GULP1: variants seen among roughly 807,000 people sequenced by gnomAD.
GULP1 encodes the protein PTB domain-containing engulfment adapter protein 1.
In GULP1, 19 loss-of-function variants were observed where a neutral mutation model predicts 40.9. The observed-to-expected ratio is 0.46, with a 90% CI of 0.32 to 0.68. The LOEUF (loss-of-function observed/expected upper bound fraction) is 0.68. Ranked by LOEUF, GULP1 falls within the 30% of genes least tolerant of loss-of-function variation. GULP1 has a pLI of 0.03. For missense variants in GULP1, 312 were observed against 362.2 expected (o/e 0.86, Z 1.12); for synonymous variants, 119 against 117.6 (o/e 1.01, Z -0.08).
intron 2 of GULP1, among the ~76,000 whole-genome samples, chr2:188,443,363 G>A (rs2058099927): frequency 6.6e-6 from 1 of 152,196 alleles, no homozygotes; most frequent in Admixed American, 6.5e-5. Flanking sequence ...GATTCGTGAA[G>A]CCCTCTGAAT....
At chr2:188,417,864 C>T (rs2054792754) in intron 2 of GULP1, among the ~76,000 whole-genome samples, 1 of 152,174 alleles carries the variant, frequency 6.6e-6, no homozygotes, top group South Asian at 2.1e-4. Context: ...GATCATAGCT[C>T]ACTGCAGCCT....
intron 4 of GULP1, among the ~76,000 whole-genome samples, chr2:188,517,306 C>A (rs1179002321): frequency 1.3e-5 from 2 of 151,956 alleles, no homozygotes; most frequent in Non-Finnish European, 2.9e-5. Context: ...TTTTTTCTAA[C>A]TTTATTTTTT....
At chr2:188,489,905 T>A (rs1160165759) in intron 4 of GULP1, among the ~76,000 whole-genome samples, 1 of 152,068 alleles carries the variant, frequency 6.6e-6, no homozygotes, top group South Asian at 2.1e-4. Flanking sequence ...GAAAAGGAAA[T>A]GGCAATAAAT....
chr2:188,450,770 G>A (rs1197185432), intron 2 of GULP1, among the ~76,000 whole-genome samples: 1 of 152,058 alleles, frequency 6.6e-6, no homozygotes, highest in South Asian at 2.1e-4. Context: ...CTTTCCAAAA[G>A]AATTGCTCTT....
intron 1 of GULP1, among the ~76,000 whole-genome samples, chr2:188,342,423 T>C (rs929525092): frequency 1.3e-5 from 2 of 152,200 alleles, no homozygotes; most frequent in East Asian, 1.9e-4. Flanking sequence ...TGATCATCAC[T>C]GGATTTAGGG....
At chr2:188,311,816 G>A (rs10197505) in intron 1 of GULP1, among the ~76,000 whole-genome samples, 88,427 of 146,900 alleles carry the variant, frequency 0.6, 27,108 homozygotes, top group East Asian at 0.9. Flanking sequence ...ATACTTATAC[G>A]TATAAGTATA....
At chr2:188,579,890 G>A (rs1460534702) in intron 9 of GULP1, among the ~76,000 whole-genome samples, 1 of 152,028 alleles carries the variant, frequency 6.6e-6, no homozygotes, top group Non-Finnish European at 1.5e-5. Flanking sequence ...ACCTAGTAAA[G>A]AATTTTGGCC....
chr2:188,547,336 A>G (rs1448914640), intron 7 of GULP1, among the ~76,000 whole-genome samples: 2 of 152,068 alleles, frequency 1.3e-5, no homozygotes, highest in African/African-American at 4.8e-5. Flanking sequence ...TATATTAGTC[A>G]GGGTTCTCTA....
chr2:188,312,737 G>A (rs1022465626), intron 1 of GULP1, among the ~76,000 whole-genome samples: 1 of 152,146 alleles, frequency 6.6e-6, no homozygotes, highest in African/African-American at 2.4e-5. Flanking sequence ...CTTCCACAAT[G>A]GTTGAACTAA....
chr2:188,582,602 C>A, intron 9 of GULP1: 1 of 442,150 alleles, frequency 2.3e-6, no homozygotes, highest in Admixed American at 2.6e-5. Context: ...TTTATTATCC[C>A]ACTTATTTTG....
chr2:188,565,482 C>T (rs1697434490), intron 7 of GULP1, among the ~76,000 whole-genome samples: 1 of 152,054 alleles, frequency 6.6e-6, no homozygotes, highest in African/African-American at 2.4e-5. Context: ...ATTTAAAACA[C>T]ATTACTATAG....
chr2:188,556,069 A>G (rs545743369), intron 7 of GULP1, among the ~76,000 whole-genome samples: 1 of 147,434 alleles, frequency 6.8e-6, no homozygotes, highest in South Asian at 2.1e-4. Flanking sequence ...AAAAAAAAAA[A>G]GAAAAAGAAA....
At chr2:188,563,336 A>G (rs896584915) in intron 7 of GULP1, among the ~76,000 whole-genome samples, 13 of 151,762 alleles carry the variant, frequency 8.6e-5, no homozygotes, top group African/African-American at 2.9e-4. Context: ...TGCAGATCCT[A>G]TATTCTTTAA....
intron 6 of GULP1, among the ~76,000 whole-genome samples, chr2:188,533,800 C>T (rs558661533): frequency 1.3e-5 from 2 of 152,096 alleles, no homozygotes; most frequent in African/African-American, 4.8e-5. Context: ...ATAATAATAA[C>T]CCGATTAAAA....
intron 4 of GULP1, among the ~76,000 whole-genome samples, chr2:188,515,986 C>T (rs1325130084): frequency 2.0e-5 from 3 of 152,158 alleles, no homozygotes; most frequent in Admixed American, 6.5e-5. Flanking sequence ...CCTTCTCTAG[C>T]CCTTCTCCTA....
At chr2:188,351,864 C>T (rs2044494629) in intron 1 of GULP1, among the ~76,000 whole-genome samples, 3 of 152,074 alleles carry the variant, frequency 2.0e-5, no homozygotes, top group South Asian at 2.1e-4. Flanking sequence ...ATATTTGCTT[C>T]ATATTTACTC....
At chr2:188,459,448 C>T (rs532412027) in intron 2 of GULP1, among the ~76,000 whole-genome samples, 114 of 152,162 alleles carry the variant, frequency 7.5e-4, no homozygotes, top group African/African-American at 2.6e-3. Context: ...TTTCATATGC[C>T]TATTTATCAT....
At chr2:188,569,566 T>C in intron 8 of GULP1, 1 of 490,674 alleles carries the variant, frequency 2.0e-6, no homozygotes, top group South Asian at 2.1e-5. Context: ...CCACAAGAAC[T>C]TAGTGTTCTC....
At chr2:188,476,744 T>A (rs116450464) in intron 2 of GULP1, among the ~76,000 whole-genome samples, 2,368 of 152,216 alleles carry the variant, frequency 0.016, 73 homozygotes, top group African/African-American at 0.054. Context: ...AAGTTATTTC[T>A]GAGTGTTGTA....
Sources: gnomAD v4.1 joint callset for allele counts (sites outside exome capture counted in the v4.1 genomes callset) on GRCh38, gnomAD v4.1.1 for gene constraint, MANE v1.5 for transcripts, NCBI Gene and HGNC (gene_info 2026-07-23, HGNC 2026-07-21) for gene names.